Variants in KANSL3 observed in about 807,000 individuals in gnomAD.
KANSL3 encodes NSL complex protein NSL3.
In KANSL3, 16 loss-of-function variants were observed where a neutral mutation model predicts 89.2. The ratio of observed to expected loss-of-function variants is 0.18; its 90% CI spans 0.12 to 0.27. KANSL3 has a LOEUF of 0.27. Ranked by LOEUF, KANSL3 falls within the 10% of genes least tolerant of loss-of-function variation. The pLI, the probability that KANSL3 is intolerant of heterozygous loss-of-function variation, is 1.00. For synonymous variants in KANSL3, 385 were observed against 419.7 expected (o/e 0.92, Z 1.01); for missense variants, 879 against 1,110.6 (o/e 0.79, Z 2.96).
At chr2:96,614,967 A>G (rs1301689478) in intron 5 of KANSL3, 5 of 151,576 alleles carry the variant, frequency 3.3e-5, no homozygotes, top group African/African-American at 4.8e-5. Context: ...AAAAAAAGAT[A>G]CATTAAGTGG....
intron 3 of KANSL3, chr2:96,628,617 C>A (rs1243200605): frequency 6.4e-6 from 1 of 155,782 alleles, no homozygotes; most frequent in Non-Finnish European, 1.4e-5. Flanking sequence ...GATCGTGCCA[C>A]TGCACTGCAG....
downstream of KANSL3, among the ~76,000 whole-genome samples, chr2:96,589,334 T>C (rs1321060828): frequency 6.6e-6 from 1 of 151,970 alleles, no homozygotes; most frequent in Non-Finnish European, 1.5e-5. Flanking sequence ...TATAATGACA[T>C]AGGTAGGGTG....
At position 96,601,557 on chromosome 2, in the gene KANSL3, G is replaced by A. The variant is rs758350212; in HGVS notation, c.2616+86C>T. The A allele has an allele frequency of 5.2e-6, 8 of 1,527,930 alleles. No homozygotes were observed. The South Asian group carries it at 7.6e-5, about 15-fold the overall frequency. The allele number at this position is 1,527,930 out of a possible 1,614,324, so 94.6% of individuals were successfully genotyped here. A position where few individuals can be genotyped will look rare whatever the true frequency, so the allele number is the denominator to read the frequency against. ...TCTGAATCTCGTCTGTCCAGTGCAT[G>A]GGCAGCCCCTTCAATCAGCCAGTCA... On this transcript the variant is annotated intron_variant, in intron 20 of 20. Transcript: ENST00000431828.
At chr2:96,612,964 A>G (rs1425950421) in intron 6 of KANSL3, 30 bp from the exon 7 acceptor site, 5 of 1,425,594 alleles carry the variant, frequency 3.5e-6, no homozygotes, top group Non-Finnish European at 4.8e-6. Context: ...CCCAAAAACC[A>G]GTGAGTGAGA....
intron 20 of KANSL3, chr2:96,600,993 A>C: frequency 1.4e-6 from 1 of 691,848 alleles, no homozygotes; most frequent in South Asian, 6.5e-5. Context: ...ATGTCCTTAA[A>C]AACAAAGAAA....
intron 18 of KANSL3, 67 bp downstream of exon 18, chr2:96,602,685 CA>C: frequency 7.4e-7 from 1 of 1,349,862 alleles, no homozygotes; most frequent in Non-Finnish European, 1.0e-6. Context: ...GTTTCCCTGC[CA>C]AAACCAACTA....
intron 20 of KANSL3, among the ~76,000 whole-genome samples, chr2:96,596,979 T>C (rs761496323): frequency 2.6e-5 from 4 of 152,190 alleles, no homozygotes; most frequent in Non-Finnish European, 5.9e-5. Flanking sequence ...TACACAATAG[T>C]CCATTCCCAT....
intron 20 of KANSL3, chr2:96,600,515 G>T (rs1270687716): frequency 2.0e-6 from 2 of 985,424 alleles, no homozygotes; most frequent in Non-Finnish European, 2.4e-6. Context: ...TAAAGAGGAA[G>T]AGACAGAAGA....
intron 20 of KANSL3, chr2:96,598,128 T>C: frequency 1.0e-6 from 1 of 985,424 alleles, no homozygotes; most frequent in Non-Finnish European, 1.2e-6. Flanking sequence ...GTTCTAGTTG[T>C]CCATCAACAT....
chr2:96,632,962 T>G (rs1423463785), intron 2 of KANSL3, among the ~76,000 whole-genome samples: 2 of 118,430 alleles, frequency 1.7e-5, no homozygotes, highest in African/African-American at 6.6e-5. Context: ...CGAGACTCCA[T>G]CTCAAAAAAA....
At chr2:96,588,585 C>T (rs2066256254), downstream of KANSL3, among the ~76,000 whole-genome samples, 1 of 151,854 alleles carries the variant, frequency 6.6e-6, no homozygotes, top group Admixed American at 6.6e-5. Context: ...CAATAGACTT[C>T]CCTTTTCTTT....
intron 3 of KANSL3, among the ~76,000 whole-genome samples, chr2:96,627,620 C>A (rs768230845): frequency 3.3e-5 from 5 of 152,270 alleles, no homozygotes; most frequent in Non-Finnish European, 4.4e-5. Flanking sequence ...AGACAAAGAG[C>A]AATCAGTAAA....
At chr2:96,612,428 A>G in intron 8 of KANSL3, 34 bp downstream of exon 8, 1 of 1,602,076 alleles carries the variant, frequency 6.2e-7, no homozygotes, top group Non-Finnish European at 8.6e-7. Context: ...AATGCTGGGT[A>G]TGCCACAATG....
Position 96,594,770 on chromosome 2 carries a change from C to G in KANSL3, c.*841G>C, listed in dbSNP as rs1481348609. ...AGAGACCTAAGCACAAACCACAGGG[C>G]TTACTAGCACATCCTTCAAGCCACT... On this transcript the variant is annotated 3_prime_UTR_variant, in exon 21 of 21. Transcript: ENST00000431828. 1.3e-5 allele frequency: 2 copies of G among 152,212 alleles called. No homozygotes were observed. Among genetic ancestry groups the G allele is most frequent in the South Asian group, 2.1e-4 (1 of 4,830 alleles). 9.4% of individuals were successfully genotyped at this position (152,212 alleles called of 1,614,324 possible). A position where few individuals can be genotyped will look rare whatever the true frequency, so the allele number is the denominator to read the frequency against.
chr2:96,611,901 A>ATGTGTGTGTGTGTGTGTGTGTGTG (rs1491403979), intron 9 of KANSL3, among the ~76,000 whole-genome samples: 1 of 31,772 alleles, frequency 3.1e-5, no homozygotes, highest in African/African-American at 2.1e-4. Flanking sequence ...ATATATACCC[A>ATGTGTGTGTGTGTGTGTGTGTGTG]TATGTGTGTG....
At chr2:96,616,104 C>G (rs983195709) in intron 5 of KANSL3, among the ~76,000 whole-genome samples, 1 of 152,064 alleles carries the variant, frequency 6.6e-6, no homozygotes, top group African/African-American at 2.4e-5. Context: ...TTATTCCAGG[C>G]ACAGATGGAC....
chr2:96,627,260 G>A (rs897708025), intron 3 of KANSL3, among the ~76,000 whole-genome samples: 7 of 151,996 alleles, frequency 4.6e-5, no homozygotes, highest in Admixed American at 1.3e-4. Context: ...TGTTGCCCGG[G>A]CTGGAGTGCA....
rs1349140930 is a variant in KANSL3 at position 96,638,118 on chromosome 2, C to CCCCGGCCCGA, written c.-51+155_-51+164dup. ...CCAGACGCGGCCCCTGCCAGCCCGC[C>CCCCGGCCCGA]CCCGGCCCGACCCGCCCCGCCCGAC... is the stretch of plus-strand genomic sequence containing the variant. On this transcript the variant is annotated intron_variant, in intron 1 of 20. Transcript: ENST00000431828. The CCCCGGCCCGA allele has an allele frequency of 7.0e-4, 107 of 152,446 alleles. No individual in the cohort carries two copies. In the Middle Eastern group the frequency reaches 0.014, roughly 20 times the overall value. The allele number at this position is 152,446 out of a possible 1,614,324, so 9.4% of individuals were successfully genotyped here.
chr2:96,585,869 T>A, the KANSL3 span, among the ~76,000 whole-genome samples: 1 of 152,142 alleles, frequency 6.6e-6, no homozygotes, highest in Non-Finnish European at 1.5e-5. Context: ...GGAATGGAAA[T>A]CCAAATATTG....
Sources: allele counts gnomAD v4.1 joint callset (sites outside exome capture counted in the v4.1 genomes callset), GRCh38; gene constraint gnomAD v4.1.1; transcripts MANE v1.5; gene names NCBI Gene and HGNC (gene_info 2026-07-23, HGNC 2026-07-21).